The following DIP2B variants were observed in gnomAD, a reference collection of about 807,000 sequenced individuals.
The protein encoded by DIP2B is disco-interacting protein 2 homolog B.
DIP2B carries 76 observed loss-of-function variants against 198.0 expected under a neutral mutation model. The observed-to-expected ratio is 0.38, with a 90% confidence interval of 0.32 to 0.46. The LOEUF is 0.46. Ranked by LOEUF, DIP2B falls within the 20% of genes least tolerant of loss-of-function variation. The probability of loss-of-function intolerance (pLI) is 0.99; values close to 1 mark genes in which losing one functional copy is unlikely to be tolerated. For missense variants in DIP2B, 1,559 were observed against 1,978.4 expected (o/e 0.79, Z 4.02); for synonymous variants, 701 against 739.1 (o/e 0.95, Z 0.84).
chr12:50,615,739 C>G (rs1937687063), intron 1 of DIP2B, among the ~76,000 whole-genome samples: 1 of 152,106 alleles, frequency 6.6e-6, no homozygotes, highest in South Asian at 2.1e-4. Flanking sequence ...CATAAACACT[C>G]AAGGTAGGAG....
intron 1 of DIP2B, among the ~76,000 whole-genome samples, chr12:50,556,635 C>T (rs1326392791): frequency 6.6e-6 from 1 of 150,722 alleles, no homozygotes; most frequent in African/African-American, 2.4e-5. Flanking sequence ...CTCTGCCTCC[C>T]GGGTTCAAGC....
chr12:50,698,431 C>T lies in DIP2B; in HGVS notation c.2152C>T (p.Leu718=), dbSNP rs1450154343. 6.2e-7 allele frequency: 1 copy of T among 1,613,856 alleles called. No homozygotes were observed. The highest frequency in any genetic ancestry group is 8.5e-7 in the Non-Finnish European group (1 of 1,179,920). ...RVNTEDKNSA[L]TVQDVGHVMP... ...CAATACTGAAGATAAAAATTCAGCACTGACGGTCCAGGATGTAGGGCATGT... is the reference window on the plus strand; with the variant it reads ...CAATACTGAAGATAAAAATTCAGCATTGACGGTCCAGGATGTAGGGCATGT... Residue 718 remains leucine (L), a synonymous_variant, in exon 18 of 38, where the codon CTG becomes TTG. Transcript: ENST00000301180.
Position 50,744,872 on chromosome 12 carries a change from G to A in DIP2B, c.*33G>A. 1 of 1,606,400 alleles carries A rather than the reference G, an allele frequency of 6.2e-7. No individual in the cohort carries two copies. Among genetic ancestry groups the A allele is most frequent in the Non-Finnish European group, 8.5e-7 (1 of 1,174,184 alleles). Reference sequence around the variant, plus strand: ...TGTGGGGACTGCAGTGGGCCATTCTGAAGAATCACAAAGACAGAAGACCTC... The same window carrying A: ...TGTGGGGACTGCAGTGGGCCATTCTAAAGAATCACAAAGACAGAAGACCTC... On this transcript the variant is annotated 3_prime_UTR_variant, in exon 38 of 38. Coordinates refer to ENST00000301180, the MANE Select transcript of DIP2B (RefSeq NM_173602.3).
rs146073968 is a variant in DIP2B at position 50,580,281 on chromosome 12, C to T, written c.101-45695C>T. ...CTTCTGAGTTATATCACAGTCATTTCATTCTGATTCATTCTAATTATCTCC... is the reference window on the plus strand; with the variant it reads ...CTTCTGAGTTATATCACAGTCATTTTATTCTGATTCATTCTAATTATCTCC... On this transcript the variant is annotated intron_variant, in intron 1 of 37. Transcript: ENST00000301180. 3.4e-3 allele frequency among the ~76,000 whole-genome samples: 504 copies of T among 148,810 alleles called. 25 individuals carry two copies. The highest frequency in any genetic ancestry group is 0.012 in the African/African-American group (486 of 40,748).
chr12:50,725,720 C>T (rs531011893), intron 28 of DIP2B, among the ~76,000 whole-genome samples: 5 of 152,266 alleles, frequency 3.3e-5, no homozygotes, highest in Non-Finnish European at 7.4e-5. Flanking sequence ...TACAATAACC[C>T]TGTAAGTTGC....
At chr12:50,665,298 C>T (rs1938730490) in intron 4 of DIP2B, among the ~76,000 whole-genome samples, 2 of 152,100 alleles carry the variant, frequency 1.3e-5, no homozygotes, top group African/African-American at 4.8e-5. Context: ...CTCATAAATA[C>T]TCTGTAAAGT....
chr12:50,708,197 A>G (rs1363756197), intron 21 of DIP2B, among the ~76,000 whole-genome samples: 2 of 152,128 alleles, frequency 1.3e-5, no homozygotes, highest in African/African-American at 4.8e-5. Flanking sequence ...TCTAACATAT[A>G]AGTGCCACAA....
At chr12:50,576,189 C>A (rs1195209204) in intron 1 of DIP2B, among the ~76,000 whole-genome samples, 4 of 151,700 alleles carry the variant, frequency 2.6e-5, no homozygotes, top group Non-Finnish European at 5.9e-5. Flanking sequence ...CCTGCCTCAG[C>A]CTCCTGAGTA....
intron 7 of DIP2B, among the ~76,000 whole-genome samples, chr12:50,676,286 C>G (rs907374314): frequency 6.6e-6 from 1 of 152,130 alleles, no homozygotes; most frequent in Non-Finnish European, 1.5e-5. Flanking sequence ...GCTTTGTAGT[C>G]TGTTTTTATG....
intron 19 of DIP2B, among the ~76,000 whole-genome samples, chr12:50,699,761 G>A (rs891575770): frequency 1.3e-5 from 2 of 152,044 alleles, no homozygotes; most frequent in Admixed American, 1.3e-4. Flanking sequence ...TACTCGAAAG[G>A]CTGAGGCAGG....
chr12:50,607,421 G>A (rs1958992958), intron 1 of DIP2B, among the ~76,000 whole-genome samples: 1 of 152,172 alleles, frequency 6.6e-6, no homozygotes, highest in Non-Finnish European at 1.5e-5. Context: ...GGAAGATCTA[G>A]ACATTTTTAA....
At chr12:50,739,639 G>A (rs946031729) in intron 36 of DIP2B, 53 bp downstream of exon 36, 2 of 1,598,560 alleles carry the variant, frequency 1.3e-6, no homozygotes, top group Non-Finnish European at 1.7e-6. Flanking sequence ...TGTAGCACTA[G>A]CTGACCTCCT....
At chr12:50,552,796 G>T (rs917498058) in intron 1 of DIP2B, among the ~76,000 whole-genome samples, 1 of 151,728 alleles carries the variant, frequency 6.6e-6, no homozygotes, top group Admixed American at 6.6e-5. Flanking sequence ...TTTTTTAAAC[G>T]TTTTTTAAAT....
At chr12:50,581,694 AG>A (rs2139420057) in intron 1 of DIP2B, among the ~76,000 whole-genome samples, 1 of 134,248 alleles carries the variant, frequency 7.4e-6, no homozygotes, top group East Asian at 4.7e-4. Flanking sequence ...TGCCCAAGAC[AG>A]TGGAGTCACC....
intron 23 of DIP2B, among the ~76,000 whole-genome samples, chr12:50,716,622 T>G (rs552767158): frequency 6.6e-6 from 1 of 152,366 alleles, no homozygotes; most frequent in Non-Finnish European, 1.5e-5. Flanking sequence ...ATATTTACCC[T>G]TTGAAAATTG....
intron 1 of DIP2B, among the ~76,000 whole-genome samples, chr12:50,569,109 C>G (rs1958592160): frequency 6.7e-6 from 1 of 149,644 alleles, no homozygotes; most frequent in South Asian, 2.1e-4. Context: ...TTTTTTTCAC[C>G]ACAGCTCTTT....
intron 1 of DIP2B, among the ~76,000 whole-genome samples, chr12:50,557,308 T>A (rs1479777341): frequency 6.6e-6 from 1 of 152,204 alleles, no homozygotes; most frequent in African/African-American, 2.4e-5. Context: ...ACACCTTGCC[T>A]TCCATAGATG....
chr12:50,646,260 A>G (rs1278067864), intron 3 of DIP2B, among the ~76,000 whole-genome samples: 1 of 150,646 alleles, frequency 6.6e-6, no homozygotes, highest in Non-Finnish European at 1.5e-5. Flanking sequence ...AGTAGCTGGG[A>G]TTACAGGCAC....
intron 33 of DIP2B, among the ~76,000 whole-genome samples, chr12:50,734,461 A>C (rs1018572184): frequency 2.6e-5 from 4 of 152,220 alleles, no homozygotes; most frequent in African/African-American, 7.2e-5. Context: ...ATTTGATATA[A>C]ATTAAACTAA....
Sources: allele counts gnomAD v4.1 joint callset (sites outside exome capture counted in the v4.1 genomes callset), GRCh38; gene constraint gnomAD v4.1.1; transcripts MANE v1.5; gene names NCBI Gene and HGNC (gene_info 2026-07-23, HGNC 2026-07-21).